The following IGHMBP2 variants were observed in gnomAD, a reference collection of about 807,000 sequenced individuals.
IGHMBP2 encodes DNA-binding protein SMUBP-2.
IGHMBP2 carries 81 observed loss-of-function variants against 96.0 expected under a neutral mutation model. The observed-to-expected ratio is 0.84, with a 90% confidence interval of 0.71 to 1.01. The LOEUF is 1.01. IGHMBP2 is among the 50% of genes least tolerant of loss of function. The probability of loss-of-function intolerance (pLI) is 0.00; values close to 1 mark genes in which losing one functional copy is unlikely to be tolerated. For missense variants in IGHMBP2, 1,227 were observed against 1,306.3 expected, an observed-to-expected ratio of 0.94 and a Z score of 0.94; for synonymous variants, 557 against 548.9, an observed-to-expected ratio of 1.01 and a Z score of -0.21.
chr11:68,910,349 T>C (rs1348528625), intron 4 of IGHMBP2, among the ~76,000 whole-genome samples: 1 of 152,248 alleles, frequency 6.6e-6, no homozygotes, highest in Non-Finnish European at 1.5e-5. Flanking sequence ...TACTGTGTCT[T>C]AGGGACTCTG....
At chr11:68,910,523 C>T (rs1858387380) in intron 4 of IGHMBP2, among the ~76,000 whole-genome samples, 1 of 152,200 alleles carries the variant, frequency 6.6e-6, no homozygotes, top group Non-Finnish European at 1.5e-5. Context: ...GTAGTGGGCA[C>T]CATGTAGCGA....
intron 8 of IGHMBP2, chr11:68,930,621 C>A: frequency 1.6e-6 from 1 of 608,590 alleles, no homozygotes; most frequent in Non-Finnish European, 2.1e-6. Context: ...ATTTTTCTGG[C>A]TGGAAACCTC....
intron 6 of IGHMBP2, among the ~76,000 whole-genome samples, chr11:68,915,527 G>A (rs1372139398): frequency 6.6e-6 from 1 of 151,222 alleles, no homozygotes; most frequent in Non-Finnish European, 1.5e-5. Context: ...CTGTCACCCA[G>A]GCCGGAGTGT....
At chr11:68,929,824 G>T in intron 8 of IGHMBP2, 1 of 985,124 alleles carries the variant, frequency 1.0e-6, no homozygotes. Context: ...CCGGAGCCCT[G>T]ATGCAGTGGC....
chr11:68,922,763 A>G (rs956187107), intron 7 of IGHMBP2, among the ~76,000 whole-genome samples: 3 of 152,202 alleles, frequency 2.0e-5, no homozygotes, highest in African/African-American at 4.8e-5. Flanking sequence ...AGTGTACTAT[A>G]TAATATTGTT....
chr11:68,924,877 G>C (rs747550645), intron 7 of IGHMBP2, among the ~76,000 whole-genome samples: 12 of 152,156 alleles, frequency 7.9e-5, no homozygotes, highest in Non-Finnish European at 4.4e-5. Flanking sequence ...AAGGCCTGCA[G>C]GCCACATGTA....
intron 2 of IGHMBP2, 113 bp downstream of exon 2, chr11:68,906,351 T>C (rs1333984358): frequency 3.5e-6 from 4 of 1,148,248 alleles, no homozygotes; most frequent in South Asian, 1.2e-5. Context: ...AGCGTTGCAA[T>C]GAAGAACTCT....
Position 68,936,441 on chromosome 11 carries a change from A to G in IGHMBP2, c.1961A>G (p.Glu654Gly). Residue 654 changes from glutamate (E) to glycine (G), a missense_variant, in exon 13 of 15, where the codon GAG becomes GGG. Transcript: ENST00000255078. ...ATTGTCCCAGAAAACTATTCCCATG[A>G]GAACTCCCAGGGTTCCAGCCACGCT... ...DDIVPENYSH[E>G]NSQGSSHAAT... 1.2e-6 allele frequency: 2 copies of G among 1,614,082 alleles called. No homozygotes were observed. The highest frequency in any genetic ancestry group is 1.7e-6 in the Non-Finnish European group (2 of 1,180,014).
At chr11:68,939,037 G>A (rs1859653818) in intron 14 of IGHMBP2, among the ~76,000 whole-genome samples, 1 of 152,162 alleles carries the variant, frequency 6.6e-6, no homozygotes, top group Admixed American at 6.5e-5. Flanking sequence ...TGGCGGGTGG[G>A]CAGGCAGGCT....
intron 1 of IGHMBP2, among the ~76,000 whole-genome samples, chr11:68,905,295 T>C (rs1386245520): frequency 2.0e-5 from 3 of 152,224 alleles, no homozygotes; most frequent in African/African-American, 4.8e-5. Flanking sequence ...TTTGCAGTTA[T>C]GTTGAGTTTC....
intron 1 of IGHMBP2, among the ~76,000 whole-genome samples, chr11:68,905,793 G>A (rs549696021): frequency 6.6e-6 from 1 of 152,180 alleles, no homozygotes; most frequent in East Asian, 1.9e-4. Flanking sequence ...AAATGGGAGG[G>A]GCCTGATAGG....
rs757362541 is a variant in IGHMBP2 at position 68,908,333 on chromosome 11, A to T, written c.445A>T (p.Lys149Ter). The T allele has an allele frequency of 6.2e-7, 1 of 1,613,554 alleles. No individual in the cohort carries two copies. Among genetic ancestry groups the T allele is most frequent in the Non-Finnish European group, 8.5e-7 (1 of 1,179,500 alleles). Reference sequence around the variant, plus strand: ...CAATGATGTCACTTACAGGCGACTGAAAAAGTAAGTGGATGGGACTGGAAA... The same window carrying T: ...CAATGATGTCACTTACAGGCGACTGTAAAAGTAAGTGGATGGGACTGGAAA... ...LANDVTYRRL[K>*]KALIALKKYH... is the part of the protein sequence containing the mutation. The change falls in exon 3 of 15, where the codon AAA becomes TAA. Residue 149 changes from lysine to a stop codon, truncating the protein, a stop_gained. Coordinates refer to ENST00000255078, the MANE Select transcript of IGHMBP2 (RefSeq NM_002180.3). LOFTEE classifies it high-confidence loss of function.
intron 6 of IGHMBP2, among the ~76,000 whole-genome samples, chr11:68,916,397 C>A (rs996457356): frequency 3.3e-5 from 5 of 152,092 alleles, no homozygotes; most frequent in Admixed American, 6.6e-5. Context: ...CTTTTCCCCC[C>A]AGCCCGACAC....
chr11:68,908,311 T>C lies in IGHMBP2; in HGVS notation c.423T>C (p.Asn141=). ...ENSYRLLKLA[N]DVTYRRLKKA... ...CCTACAGACTGTTAAAACTTGCCAA[T>C]GATGTCACTTACAGGCGACTGAAAA... The change falls in exon 3 of 15, where the codon AAT becomes AAC. Residue 141 remains asparagine (N), a synonymous_variant. Coordinates refer to ENST00000255078, the MANE Select transcript of IGHMBP2 (RefSeq NM_002180.3). 6.2e-7 allele frequency: 1 copy of C among 1,614,066 alleles called. No homozygotes were observed. Among genetic ancestry groups the C allele is most frequent in the Non-Finnish European group, 8.5e-7 (1 of 1,179,992 alleles).
rs768685672 is a variant in IGHMBP2 at position 68,935,318 on chromosome 11, G to T, written c.1652G>T (p.Ser551Ile). ...TTTCAGGTGGACCTGCTCAGACAGA[G>T]CCTTGTGCACAGGCACCCTGAGCTT... Reference protein sequence around the residue: ...YNLQVDLLRQSLVHRHPELEI... With the variant: ...YNLQVDLLRQILVHRHPELEI... Residue 551 changes from serine to isoleucine, a missense_variant, in exon 12 of 15, where the codon AGC becomes ATC. This residue lies in a region of IGHMBP2 where 703 missense variants were observed against 770.3 expected (regional missense o/e 0.91). Coordinates refer to ENST00000255078, the MANE Select transcript of IGHMBP2 (RefSeq NM_002180.3). 3 of 1,613,998 alleles carry T rather than the reference G, an allele frequency of 1.9e-6. No individual in the cohort carries two copies. The highest frequency in any genetic ancestry group is 2.5e-6 in the Non-Finnish European group (3 of 1,180,040).
rs539705389 is a variant in IGHMBP2, at chr11:68,930,628, C to T, written c.1235+1271C>T. On this transcript the variant is annotated intron_variant, in intron 8 of 14. Coordinates refer to ENST00000255078, the MANE Select transcript of IGHMBP2 (RefSeq NM_002180.3). ...GGGTGTTGATTTTTCTGGCTGGAAA[C>T]CTCTGCGGCCGCAGCACCTTTGCCT... is the stretch of plus-strand genomic sequence containing the variant. 3 of 533,572 alleles carry T rather than the reference C, an allele frequency of 5.6e-6. No individual in the cohort carries two copies. In the South Asian group the frequency reaches 2.4e-4, roughly 43 times the overall value. The allele number at this position is 533,572 out of a possible 1,614,324, so 33.1% of individuals were successfully genotyped here.
At position 68,903,956 on chromosome 11, in the gene IGHMBP2, G is replaced by A. The variant is rs778232785; in HGVS notation, c.4G>A (p.Ala2Thr). The A allele has an allele frequency of 2.1e-5, 33 of 1,566,354 alleles. No homozygotes were observed. In the South Asian group the frequency reaches 3.3e-4, roughly 16 times the overall value. M[A>T]SAAVESFVTK... ...GGGGCCCAGGCCGGCGGCGGCGATGGCCTCGGCAGCTGTGGAGAGCTTCGT... is the reference window on the plus strand; with the variant it reads ...GGGGCCCAGGCCGGCGGCGGCGATGACCTCGGCAGCTGTGGAGAGCTTCGT... The change falls in exon 1 of 15, where the codon GCC (alanine) becomes ACC (threonine). Residue 2 changes from alanine to threonine, a missense_variant. This residue lies in a region of IGHMBP2 where 507 missense variants were observed against 496.9 expected (regional missense o/e 1.02). Coordinates refer to ENST00000255078, the MANE Select transcript of IGHMBP2 (RefSeq NM_002180.3).
At chr11:68,905,945 T>A (rs530795780) in intron 1 of IGHMBP2, 124 bp from the exon 2 acceptor site, 1 of 980,512 alleles carries the variant, frequency 1.0e-6, no homozygotes, top group Non-Finnish European at 1.6e-6. Flanking sequence ...CGGAGTTCCA[T>A]TGGGACATAT....
In IGHMBP2 at chr11:68,929,303, A is replaced by G; in HGVS notation, c.1181A>G (p.Lys394Arg). Reference sequence around the variant, plus strand: ...TGGATCCCCCTGCTGAAGGCCAGAAAGTGCATCCTGGCGGGCGATCACAAG... The same window carrying G: ...TGGATCCCCCTGCTGAAGGCCAGAAGGTGCATCCTGGCGGGCGATCACAAG... ...SCWIPLLKAR[K>R]CILAGDHKQL... Residue 394 changes from lysine to arginine, a missense_variant, in exon 8 of 15, where the codon AAG (lysine) becomes AGG (arginine). Lys to Arg is a conservative substitution (Grantham distance 26). Coordinates refer to ENST00000255078, the MANE Select transcript of IGHMBP2 (RefSeq NM_002180.3). 6.2e-7 allele frequency: 1 copy of G among 1,613,824 alleles called. No homozygotes were observed.
Sources: allele counts gnomAD v4.1 joint callset (sites outside exome capture counted in the v4.1 genomes callset), GRCh38; gene constraint gnomAD v4.1.1; regional missense constraint gnomAD v4.1.1; transcripts MANE v1.5; gene names NCBI Gene and HGNC (gene_info 2026-07-23, HGNC 2026-07-21).